NEO1: variants seen among roughly 807,000 people sequenced by gnomAD.
NEO1 encodes the protein neogenin.
A neutral mutation model predicts 159.7 loss-of-function variants in NEO1; 63 were observed. That is an observed-to-expected ratio of 0.39 (90% CI 0.32 to 0.49). The LOEUF is 0.49. Ranked by LOEUF, NEO1 falls within the 20% of genes least tolerant of loss-of-function variation. The probability of loss-of-function intolerance (pLI) is 0.85; values close to 1 mark genes in which losing one functional copy is unlikely to be tolerated. For missense variants in NEO1, 1,615 were observed against 1,831.0 expected (o/e 0.88, Z 2.15); for synonymous variants, 633 against 662.0 (o/e 0.96, Z 0.67).
chr15:73,144,788 C>G (rs2032743891), intron 5 of NEO1, among the ~76,000 whole-genome samples: 1 of 152,184 alleles, frequency 6.6e-6, no homozygotes, highest in African/African-American at 2.4e-5. Context: ...TATTTTTCTT[C>G]TTTGATTTTC....
intron 15 of NEO1, among the ~76,000 whole-genome samples, chr15:73,263,379 A>G (rs2040722164): frequency 6.6e-6 from 1 of 151,958 alleles, no homozygotes; most frequent in Admixed American, 6.5e-5. Flanking sequence ...TTTTTGGTAG[A>G]GATGGGGTTT....
At position 73,288,465 on chromosome 15, in the gene NEO1, C is replaced by T; in HGVS notation, c.3563C>T (p.Thr1188Ile). ...GACCCAAACCCCATCATGACTGATA[C>T]TCCAATTCCTCGCAACTCTCAAGAT... ...SPDPNPIMTD[T>I]PIPRNSQDIT... Residue 1188 changes from threonine (T) to isoleucine (I), a missense_variant, in exon 24 of 29, where the codon ACT becomes ATT. Thr to Ile is a moderately conservative substitution (Grantham distance 89, BLOSUM62 -1). Around this residue, in one of 3 missense-constraint regions of NEO1, gnomAD observed 471 missense variants for 498.9 expected, o/e 0.94. Coordinates refer to ENST00000261908, the MANE Select transcript of NEO1 (RefSeq NM_002499.4). 1.9e-6 allele frequency: 3 copies of T among 1,614,152 alleles called. No individual in the cohort carries two copies. Among genetic ancestry groups the T allele is most frequent in the Non-Finnish European group, 2.5e-6 (3 of 1,180,024 alleles).
At chr15:73,162,775 C>T in intron 5 of NEO1, 1 of 169,088 alleles carries the variant, frequency 5.9e-6, no homozygotes, top group Non-Finnish European at 1.3e-5. Flanking sequence ...TCATCATTTG[C>T]ACCAGCCTCT....
chr15:73,158,580 C>A (rs1436314428), intron 5 of NEO1, among the ~76,000 whole-genome samples: 1 of 151,804 alleles, frequency 6.6e-6, no homozygotes, highest in African/African-American at 2.4e-5. Context: ...GTAGAGATGG[C>A]GATCTCACTT....
chr15:73,241,322 G>C (rs1229410229), intron 8 of NEO1, among the ~76,000 whole-genome samples: 1 of 152,178 alleles, frequency 6.6e-6, no homozygotes, highest in Non-Finnish European at 1.5e-5. Context: ...GCAAACCATG[G>C]ACCCTGTGCC....
intron 9 of NEO1, 68 bp downstream of exon 9, chr15:73,244,566 G>T: frequency 6.5e-7 from 1 of 1,538,894 alleles, no homozygotes; most frequent in East Asian, 2.3e-5. Context: ...CCTTTGTTTA[G>T]CCTTGCACAC....
At chr15:73,172,285 G>A (rs1456057142) in intron 5 of NEO1, among the ~76,000 whole-genome samples, 1 of 152,154 alleles carries the variant, frequency 6.6e-6, no homozygotes, top group Non-Finnish European at 1.5e-5. Flanking sequence ...GTGCTATGGA[G>A]TTACTTAGCG....
Position 73,302,939 on chromosome 15 carries a change from G to A in NEO1, c.*243G>A, listed in dbSNP as rs990169476. On this transcript the variant is annotated 3_prime_UTR_variant, in exon 29 of 29. Transcript: ENST00000261908. ...TGCCTGCTGATATTCTGCAGGACTG[G>A]GCACCATGGGCCAAAATTTTGTGTC... 2 of 455,270 alleles carry A rather than the reference G, an allele frequency of 4.4e-6. No homozygotes were observed. The highest frequency in any genetic ancestry group is 6.7e-5 in the Admixed American group (2 of 30,008). The allele number at this position is 455,270 out of a possible 1,614,324, so 28.2% of individuals were successfully genotyped here.
chr15:73,286,081 A>ACCCCCT (rs2041935165), intron 23 of NEO1, among the ~76,000 whole-genome samples: 3 of 47,622 alleles, frequency 6.3e-5, no homozygotes, highest in Non-Finnish European at 9.4e-5. Flanking sequence ...CCCCACCCCC[A>ACCCCCT]CCCCCTGTAT....
At chr15:73,079,082 T>G (rs957614711) in intron 1 of NEO1, among the ~76,000 whole-genome samples, 3 of 152,214 alleles carry the variant, frequency 2.0e-5, no homozygotes, top group Non-Finnish European at 2.9e-5. Flanking sequence ...GAAGCTCTTT[T>G]TTAATTGTTC....
intron 8 of NEO1, among the ~76,000 whole-genome samples, chr15:73,243,446 C>T (rs1277974972): frequency 6.6e-6 from 1 of 152,198 alleles, no homozygotes; most frequent in Non-Finnish European, 1.5e-5. Flanking sequence ...ACAGGTATAG[C>T]TGTTTCCTCA....
chr15:73,159,604 A>G (rs1596196409), intron 5 of NEO1, among the ~76,000 whole-genome samples: 1 of 152,106 alleles, frequency 6.6e-6, no homozygotes, highest in South Asian at 2.1e-4. Flanking sequence ...TACAAAAATG[A>G]CTTCAGCCAC....
chr15:73,242,524 C>G (rs552466224), intron 8 of NEO1, among the ~76,000 whole-genome samples: 3 of 151,932 alleles, frequency 2.0e-5, no homozygotes. Context: ...AAAAATTAGC[C>G]GGGCGTGGTG....
At chr15:73,231,467 C>T (rs1941207671) in intron 7 of NEO1, among the ~76,000 whole-genome samples, 1 of 152,200 alleles carries the variant, frequency 6.6e-6, no homozygotes, top group African/African-American at 2.4e-5. Context: ...TGTGGTGGCT[C>T]CTGCCTGTAA....
intron 7 of NEO1, among the ~76,000 whole-genome samples, chr15:73,220,400 T>C (rs1401394244): frequency 6.6e-6 from 1 of 152,150 alleles, no homozygotes; most frequent in East Asian, 1.9e-4. Context: ...CTGACAATTA[T>C]GTGTCTTGGA....
At chr15:73,222,384 G>A (rs1244329446) in intron 7 of NEO1, among the ~76,000 whole-genome samples, 2 of 151,960 alleles carry the variant, frequency 1.3e-5, no homozygotes, top group Admixed American at 6.6e-5. Flanking sequence ...GATTACAGGT[G>A]TGAGCCACCG....
chr15:73,273,063 A>T (rs1451426001), intron 19 of NEO1, among the ~76,000 whole-genome samples: 1 of 145,780 alleles, frequency 6.9e-6, no homozygotes, highest in Non-Finnish European at 1.5e-5. Flanking sequence ...TTATAATTAG[A>T]GTTAAAAGTG....
chr15:73,193,968 G>T (rs1001559947), intron 7 of NEO1, among the ~76,000 whole-genome samples: 1 of 152,040 alleles, frequency 6.6e-6, no homozygotes, highest in Non-Finnish European at 1.5e-5. Context: ...TATGCAAGAA[G>T]GCTCAAAGTG....
At chr15:73,088,172 T>A (rs527509910) in intron 1 of NEO1, among the ~76,000 whole-genome samples, 1 of 151,446 alleles carries the variant, frequency 6.6e-6, no homozygotes, top group East Asian at 1.9e-4. Context: ...ATATTCATAT[T>A]TTTTTTTAAA....
Sources: gnomAD v4.1 joint callset for allele counts (sites outside exome capture counted in the v4.1 genomes callset) on GRCh38, gnomAD v4.1.1 for gene constraint, gnomAD v4.1.1 regional missense constraint, MANE v1.5 for transcripts, NCBI Gene and HGNC (gene_info 2026-07-23, HGNC 2026-07-21) for gene names.